The following GRPEL2 variants were observed in gnomAD, a reference collection of about 807,000 sequenced individuals.
GRPEL2 encodes the protein GrpE like 2, mitochondrial.
Under a neutral mutation model 25.9 loss-of-function variants are expected in GRPEL2, and 18 were observed. The ratio of observed to expected loss-of-function variants is 0.70; its 90% CI spans 0.48 to 1.03. The LOEUF is 1.03. Ranked by LOEUF, GRPEL2 falls within the 50% of genes least tolerant of loss-of-function variation. The pLI is 0.00. For synonymous variants in GRPEL2, 106 were observed against 107.9 expected, an observed-to-expected ratio of 0.98 and a Z score of 0.11; for missense variants, 247 against 276.2, an observed-to-expected ratio of 0.89 and a Z score of 0.75.
At chr5:149,346,666 A>G (rs1250112186) in intron 1 of GRPEL2, among the ~76,000 whole-genome samples, 1 of 118,922 alleles carries the variant, frequency 8.4e-6, no homozygotes, top group Non-Finnish European at 1.7e-5. Flanking sequence ...CCCCAACCCT[A>G]TTTCTTGGTC....
chr5:149,349,670 C>T lies in GRPEL2; in HGVS notation c.248C>T (p.Ala83Val). 1.2e-6 allele frequency: 2 copies of T among 1,612,184 alleles called. No individual in the cohort carries two copies. Among genetic ancestry groups the T allele is most frequent in the Non-Finnish European group, 1.7e-6 (2 of 1,178,596 alleles). The change falls in exon 3 of 4, where the codon GCT becomes GTT. Residue 83 changes from alanine to valine, a missense_variant. Transcript: ENST00000329271. ...GATATTCAGGTGAGATACCAGAGAGCTATAGCTGATTGTGAAAACATAAGG... is the reference window on the plus strand; with the variant it reads ...GATATTCAGGTGAGATACCAGAGAGTTATAGCTGATTGTGAAAACATAAGG... Reference protein sequence around the residue: ...VQDLTVRYQRAIADCENIRRR... With the variant: ...VQDLTVRYQRVIADCENIRRR...
intron 3 of GRPEL2, among the ~76,000 whole-genome samples, chr5:149,350,121 C>T (rs1040710080): frequency 6.6e-6 from 1 of 152,158 alleles, no homozygotes; most frequent in Non-Finnish European, 1.5e-5. Context: ...TAAGCCTGTC[C>T]CTGGATTAAA....
At chr5:149,349,490 C>T (rs1366335976) in intron 2 of GRPEL2, among the ~76,000 whole-genome samples, 164 bp from the exon 3 acceptor site, 2 of 152,168 alleles carry the variant, frequency 1.3e-5, no homozygotes, top group Admixed American at 6.5e-5. Flanking sequence ...TGGGTTTCTG[C>T]GTTGACTGGG....
rs1757722669 is a variant in GRPEL2, at chr5:149,348,403, A to G, written c.209A>G (p.Glu70Gly). ...TTAAGGGTAAAAGCTGTTAAACTGG[A>G]GAAAGAAGTCCAAGATTTAACAGTG... ...RALRVKAVKL[E>G]KEVQDLTVRY... Residue 70 changes from glutamate to glycine, a missense_variant, in exon 2 of 4, where the codon GAG (glutamate) becomes GGG (glycine). Around this residue, in one of 2 missense-constraint regions of GRPEL2, gnomAD observed 125 missense variants for 107.0 expected, o/e 1.17. Transcript: ENST00000329271. 7 of 1,609,782 alleles carry G rather than the reference A, an allele frequency of 4.3e-6. No individual in the cohort carries two copies. Among genetic ancestry groups the G allele is most frequent in the Admixed American group, 1.7e-5 (1 of 58,778 alleles).
rs1228989817 is a variant in GRPEL2 at position 149,353,707 on chromosome 5, TA to T, written c.*2427del. On this transcript the variant is annotated 3_prime_UTR_variant, in exon 4 of 4. Coordinates refer to ENST00000329271, the MANE Select transcript of GRPEL2 (RefSeq NM_152407.4). ...CCCGTTTTGGCAAGTAAATTCAGAA[TA>T]ATTTTAGGTTCTTTTGTTATTCAGT... 1 of 152,174 alleles carries T rather than the reference TA, an allele frequency of 6.6e-6. No individual in the cohort carries two copies. Among genetic ancestry groups the T allele is most frequent in the South Asian group, 2.1e-4 (1 of 4,832 alleles). 9.4% of individuals were successfully genotyped at this position (152,174 alleles called of 1,614,324 possible). A position where few individuals can be genotyped will look rare whatever the true frequency, so the allele number is the denominator to read the frequency against.
chr5:149,351,370 G>T lies in GRPEL2; in HGVS notation c.*88G>T. ...AAACTAGGTTTGTATTGTACATGAG[G>T]TACTTCATGTGATATGTTTTGGATT... On this transcript the variant is annotated 3_prime_UTR_variant, in exon 4 of 4. Transcript: ENST00000329271. 1.5e-6 allele frequency: 2 copies of T among 1,335,348 alleles called. No homozygotes were observed. The highest frequency in any genetic ancestry group is 1.4e-5 in the South Asian group (1 of 70,102). The allele number at this position is 1,335,348 out of a possible 1,614,324, so 82.7% of individuals were successfully genotyped here.
rs562802789 is a variant in GRPEL2, at chr5:149,346,060, GCAT to G, written c.77+447_77+449del. On this transcript the variant is annotated intron_variant, in intron 1 of 3. Coordinates refer to ENST00000329271, the MANE Select transcript of GRPEL2 (RefSeq NM_152407.4). Reference sequence around the variant, plus strand: ...GAACTTGTTTCTCCAAACGGCCATTGCATCAGCCTTCGGAAGACAAGTTCCATC... The same window carrying G: ...GAACTTGTTTCTCCAAACGGCCATTGCAGCCTTCGGAAGACAAGTTCCATC... Among the ~76,000 whole-genome samples the G allele has an allele frequency of 9.2e-5, 14 of 152,344 alleles. No individual in the cohort carries two copies. In the South Asian group the frequency reaches 2.5e-3, roughly 27 times the overall value.
At chr5:149,350,043 C>CA (rs542406674) in intron 3 of GRPEL2, among the ~76,000 whole-genome samples, 257 of 143,720 alleles carry the variant, frequency 1.8e-3, no homozygotes, top group South Asian at 0.01. Flanking sequence ...GACTCAGTCT[C>CA]AAAAAAAAAA....
intron 1 of GRPEL2, among the ~76,000 whole-genome samples, chr5:149,346,152 A>G (rs1313177925): frequency 6.6e-6 from 1 of 152,200 alleles, no homozygotes; most frequent in East Asian, 1.9e-4. Flanking sequence ...TTTTATTATT[A>G]CCCATTTAGT....
chr5:149,350,271 C>T (rs768062837), intron 3 of GRPEL2, among the ~76,000 whole-genome samples: 10 of 152,184 alleles, frequency 6.6e-5, no homozygotes, highest in Admixed American at 5.9e-4. Context: ...AATGGGATTT[C>T]TCAACAACTG....
At position 149,353,134 on chromosome 5, in the gene GRPEL2, A is replaced by T. The variant is rs1292201327; in HGVS notation, c.*1852A>T. Reference sequence around the variant, plus strand: ...TCTCCTTGTGGGCCTTACCATCTTCATCAGATTTAGACCCTTAAAAAACAA... The same window carrying T: ...TCTCCTTGTGGGCCTTACCATCTTCTTCAGATTTAGACCCTTAAAAAACAA... On this transcript the variant is annotated 3_prime_UTR_variant, in exon 4 of 4. Transcript: ENST00000329271. 6.6e-6 allele frequency: 1 copy of T among 152,666 alleles called. No homozygotes were observed. Among genetic ancestry groups the T allele is most frequent in the African/African-American group, 2.4e-5 (1 of 41,458 alleles). 9.5% of individuals were successfully genotyped at this position (152,666 alleles called of 1,614,324 possible). A position where few individuals can be genotyped will look rare whatever the true frequency, so the allele number is the denominator to read the frequency against.
chr5:149,347,651 A>C (rs1379002587), intron 1 of GRPEL2, among the ~76,000 whole-genome samples: 3 of 152,218 alleles, frequency 2.0e-5, no homozygotes. Flanking sequence ...GCAGTAACAT[A>C]TAGTATTGTA....
intron 3 of GRPEL2, 44 bp from the exon 4 acceptor site, chr5:149,350,874 A>C (rs1304039625): frequency 6.3e-7 from 1 of 1,598,792 alleles, no homozygotes; most frequent in Non-Finnish European, 8.5e-7. Context: ...CCACGGGCAG[A>C]GTGATTTCCT....
intron 1 of GRPEL2, among the ~76,000 whole-genome samples, chr5:149,347,911 T>C (rs928549090): frequency 6.6e-6 from 1 of 152,218 alleles, no homozygotes; most frequent in Non-Finnish European, 1.5e-5. Flanking sequence ...ATGCTGACTT[T>C]TGTATACCCA....
At chr5:149,349,557 T>C in intron 2 of GRPEL2, 97 bp from the exon 3 acceptor site, 1 of 843,920 alleles carries the variant, frequency 1.2e-6, no homozygotes, top group Non-Finnish European at 1.8e-6. Flanking sequence ...TATAAAAACC[T>C]ATCAAAAGGG....
In GRPEL2 at chr5:149,351,282, A is replaced by T; in HGVS notation, c.678A>T (p.Ter226CysextTer23). The T allele has an allele frequency of 6.2e-7, 1 of 1,603,180 alleles. No homozygotes were observed. Among genetic ancestry groups the T allele is most frequent in the Non-Finnish European group, 8.5e-7 (1 of 1,172,168 alleles). ...EVAVESQRRL[*>C] ...CAGTGGAGTCTCAGAGAAGACTGTGAAGAGGCCATCAGGAACTGGATGTTC... is the reference window on the plus strand; with the variant it reads ...CAGTGGAGTCTCAGAGAAGACTGTGTAGAGGCCATCAGGAACTGGATGTTC... Residue 226 changes from the stop codon to cysteine (C), a stop_lost, in exon 4 of 4, where the codon TGA becomes TGT. Coordinates refer to ENST00000329271, the MANE Select transcript of GRPEL2 (RefSeq NM_152407.4).
At chr5:149,346,068 C>T in intron 1 of GRPEL2, among the ~76,000 whole-genome samples, 1 of 152,230 alleles carries the variant, frequency 6.6e-6, no homozygotes. Flanking sequence ...TTGCATCAGC[C>T]TTCGGAAGAC....
Position 149,351,357 on chromosome 5 carries a change from T to C in GRPEL2, c.*75T>C. The C allele has an allele frequency of 6.9e-7, 1 of 1,441,944 alleles. No homozygotes were observed. The allele number at this position is 1,441,944 out of a possible 1,614,324, so 89.3% of individuals were successfully genotyped here. On this transcript the variant is annotated 3_prime_UTR_variant, in exon 4 of 4. Coordinates refer to ENST00000329271, the MANE Select transcript of GRPEL2 (RefSeq NM_152407.4). ...TCTTTTATTTATTAAACTAGGTTTGTATTGTACATGAGGTACTTCATGTGA... is the reference window on the plus strand; with the variant it reads ...TCTTTTATTTATTAAACTAGGTTTGCATTGTACATGAGGTACTTCATGTGA...
chr5:149,353,891 G>C lies in GRPEL2; in HGVS notation c.*2609G>C, dbSNP rs957109728. On this transcript the variant is annotated 3_prime_UTR_variant, in exon 4 of 4. Transcript: ENST00000329271. ...GTCACCTGCAGGACTTTAGGCACCAGTGATTTCACCCTTCTGAGCCTGTTT... is the reference window on the plus strand; with the variant it reads ...GTCACCTGCAGGACTTTAGGCACCACTGATTTCACCCTTCTGAGCCTGTTT... The C allele has an allele frequency of 1.3e-5, 2 of 152,192 alleles. No individual in the cohort carries two copies. The highest frequency in any genetic ancestry group is 4.8e-5 in the African/African-American group (2 of 41,456). 9.4% of individuals were successfully genotyped at this position (152,192 alleles called of 1,614,324 possible).
Sources: gnomAD v4.1 joint callset for allele counts (sites outside exome capture counted in the v4.1 genomes callset) on GRCh38, gnomAD v4.1.1 for gene constraint, gnomAD v4.1.1 regional missense constraint, MANE v1.5 for transcripts, NCBI Gene and HGNC (gene_info 2026-07-23, HGNC 2026-07-21) for gene names.